SGCZ: variants seen among roughly 807,000 people sequenced by gnomAD.
SGCZ encodes sarcoglycan zeta.
Under a neutral mutation model 41.3 loss-of-function variants are expected in SGCZ, and 40 were observed. The observed-to-expected ratio is 0.97, with a 90% CI of 0.75 to 1.26. The LOEUF is 1.26. Ranked by LOEUF, SGCZ falls within the 50% of genes most tolerant of loss-of-function variation. SGCZ has a pLI of 0.00. For synonymous variants in SGCZ, 206 were observed against 137.5 expected (o/e 1.50, Z -3.49); for missense variants, 552 against 369.8 (o/e 1.49, Z -4.04).
At chr8:14,551,170 A>C (rs1803797674) in intron 2 of SGCZ, among the ~76,000 whole-genome samples, 4 of 148,804 alleles carry the variant, frequency 2.7e-5, no homozygotes, top group Non-Finnish European at 5.9e-5. Context: ...AGGCCACCAA[A>C]CCTTAGTTGG....
intron 2 of SGCZ, among the ~76,000 whole-genome samples, chr8:14,484,389 A>T (rs1801616643): frequency 6.6e-6 from 1 of 152,192 alleles, no homozygotes; most frequent in African/African-American, 2.4e-5. Flanking sequence ...CCATTGTTTT[A>T]AATAACTTTT....
intron 1 of SGCZ, among the ~76,000 whole-genome samples, chr8:14,758,101 T>C (rs887311277): frequency 2.6e-5 from 4 of 152,210 alleles, no homozygotes; most frequent in Non-Finnish European, 4.4e-5. Context: ...ATTGTAGCTA[T>C]ATTTTTACTT....
At chr8:14,134,316 C>T (rs1177505286) in intron 5 of SGCZ, among the ~76,000 whole-genome samples, 1 of 152,172 alleles carries the variant, frequency 6.6e-6, no homozygotes, top group African/African-American at 2.4e-5. Context: ...AGAACATACA[C>T]ACTTTCAGAG....
chr8:15,005,468 A>C (rs1448592679), intron 1 of SGCZ, among the ~76,000 whole-genome samples: 1 of 151,032 alleles, frequency 6.6e-6, no homozygotes, highest in Non-Finnish European at 1.5e-5. Flanking sequence ...AGTAGCTGCC[A>C]TTACAGGCAT....
chr8:14,182,105 C>G (rs186875724), intron 4 of SGCZ, among the ~76,000 whole-genome samples: 73 of 152,248 alleles, frequency 4.8e-4, no homozygotes, highest in Non-Finnish European at 8.5e-4. Context: ...GCCATGGGTA[C>G]ACTTATAGGC....
chr8:14,500,441 C>T (rs1585599369), intron 2 of SGCZ, among the ~76,000 whole-genome samples: 1 of 147,574 alleles, frequency 6.8e-6, no homozygotes, highest in Admixed American at 6.8e-5. Context: ...TTTCCAGTTA[C>T]TTTTTTTTTT....
intron 5 of SGCZ, among the ~76,000 whole-genome samples, chr8:14,128,669 C>T (rs545689242): frequency 6.6e-6 from 1 of 151,994 alleles, no homozygotes; most frequent in South Asian, 2.1e-4. Flanking sequence ...CAGTGAATGT[C>T]TGAATTTAAA....
At chr8:14,433,897 A>G (rs575836436) in intron 2 of SGCZ, among the ~76,000 whole-genome samples, 8 of 152,310 alleles carry the variant, frequency 5.3e-5, no homozygotes, top group African/African-American at 1.9e-4. Context: ...ACCCATAGGA[A>G]TGCTACATTT....
intron 2 of SGCZ, among the ~76,000 whole-genome samples, chr8:14,362,262 C>A (rs1017579354): frequency 6.6e-6 from 1 of 152,176 alleles, no homozygotes; most frequent in African/African-American, 2.4e-5. Flanking sequence ...GCCTTTTGTT[C>A]AGATATGCCC....
chr8:14,266,107 A>T (rs554498998), intron 3 of SGCZ, among the ~76,000 whole-genome samples: 1 of 152,284 alleles, frequency 6.6e-6, no homozygotes, highest in African/African-American at 2.4e-5. Flanking sequence ...ACATATGATT[A>T]TCCGAGGACA....
intron 2 of SGCZ, among the ~76,000 whole-genome samples, chr8:14,398,613 A>G (rs1293186599): frequency 6.7e-6 from 1 of 149,754 alleles, no homozygotes; most frequent in Non-Finnish European, 1.5e-5. Context: ...GGGAGAACAA[A>G]GAAAAGGCTC....
At chr8:15,139,766 T>C (rs268425) in intron 1 of SGCZ, among the ~76,000 whole-genome samples, 109,915 of 152,026 alleles carry the variant, frequency 0.72, 39,897 homozygotes, top group East Asian at 0.89. Context: ...CCTACACCTC[T>C]CCATTTCTCA....
At chr8:14,860,050 A>G (rs553516983) in intron 1 of SGCZ, among the ~76,000 whole-genome samples, 11 of 152,056 alleles carry the variant, frequency 7.2e-5, no homozygotes, top group Admixed American at 6.6e-4. Flanking sequence ...AGCGTTCCCA[A>G]TCCTTTAGGT....
chr8:14,735,512 T>A (rs1471720113), intron 1 of SGCZ, among the ~76,000 whole-genome samples: 1 of 152,092 alleles, frequency 6.6e-6, no homozygotes, highest in Non-Finnish European at 1.5e-5. Context: ...CTTACACTAG[T>A]GGTTTGCTGG....
chr8:14,389,951 G>C (rs1309543486), intron 2 of SGCZ, among the ~76,000 whole-genome samples: 2 of 152,002 alleles, frequency 1.3e-5, no homozygotes, highest in Non-Finnish European at 2.9e-5. Context: ...AAAACGGTGT[G>C]AGTATTGAGA....
At chr8:14,951,646 A>G (rs971557385) in intron 1 of SGCZ, among the ~76,000 whole-genome samples, 5 of 152,202 alleles carry the variant, frequency 3.3e-5, no homozygotes, top group Admixed American at 1.3e-4. Flanking sequence ...CTATGACTAA[A>G]TGATCATTTG....
chr8:14,339,097 GTT>G (rs35194564), intron 2 of SGCZ, among the ~76,000 whole-genome samples: 6 of 151,444 alleles, frequency 4.0e-5, no homozygotes, highest in Non-Finnish European at 2.9e-5. Flanking sequence ...AACATATTAT[GTT>G]TTTTTTTCTC....
At chr8:14,937,569 G>T (rs1352567378) in intron 1 of SGCZ, among the ~76,000 whole-genome samples, 1 of 151,914 alleles carries the variant, frequency 6.6e-6, no homozygotes, top group Non-Finnish European at 1.5e-5. Context: ...GAGAGGGAAG[G>T]AAAAACCAAA....
chr8:14,228,962 C>T (rs577925649), intron 4 of SGCZ, among the ~76,000 whole-genome samples: 46 of 152,078 alleles, frequency 3.0e-4, no homozygotes, highest in Non-Finnish European at 4.9e-4. Flanking sequence ...AGGACCACAG[C>T]ACAGAGCACT....
Sources: allele counts gnomAD v4.1 joint callset (sites outside exome capture counted in the v4.1 genomes callset), GRCh38; gene constraint gnomAD v4.1.1; transcripts MANE v1.5; gene names NCBI Gene and HGNC (gene_info 2026-07-23, HGNC 2026-07-21).